ARID1B: variants seen among roughly 807,000 people sequenced by gnomAD.
The protein encoded by ARID1B is AT-rich interactive domain-containing protein 1B.
Under a neutral mutation model 212.3 loss-of-function variants are expected in ARID1B, and 30 were observed. The ratio of observed to expected loss-of-function variants is 0.14; its 90% CI spans 0.11 to 0.19. ARID1B has a LOEUF of 0.19. Ranked by LOEUF, ARID1B falls within the 10% of genes least tolerant of loss-of-function variation. ARID1B has a pLI of 1.00. For synonymous variants in ARID1B, 1,402 were observed against 1,301.7 expected (o/e 1.08, Z -1.66); for missense variants, 2,891 against 3,204.0 (o/e 0.90, Z 2.36).
intron 3 of ARID1B, among the ~76,000 whole-genome samples, chr6:156,920,033 G>A (rs771178193): frequency 2.0e-5 from 3 of 152,260 alleles, no homozygotes; most frequent in Non-Finnish European, 4.4e-5. Context: ...CTTCACGCAT[G>A]AGTGGACATT....
At chr6:156,872,232 CCT>C (rs2128146690) in intron 2 of ARID1B, among the ~76,000 whole-genome samples, 1 of 152,268 alleles carries the variant, frequency 6.6e-6, no homozygotes, top group Admixed American at 6.5e-5. Flanking sequence ...AAGCAGGTTG[CCT>C]AGGACCTGGC....
intron 2 of ARID1B, among the ~76,000 whole-genome samples, chr6:156,832,549 C>G (rs973401826): frequency 6.6e-6 from 1 of 152,152 alleles, no homozygotes; most frequent in African/African-American, 2.4e-5. Context: ...TATTTCTGCA[C>G]AGGATTAAAA....
At chr6:157,128,642 A>T (rs1207397373) in intron 6 of ARID1B, among the ~76,000 whole-genome samples, 1 of 152,254 alleles carries the variant, frequency 6.6e-6, no homozygotes, top group Non-Finnish European at 1.5e-5. Flanking sequence ...GGTTTGGGTG[A>T]GCCATGCAGC....
intron 2 of ARID1B, among the ~76,000 whole-genome samples, chr6:156,899,881 T>C (rs1277018566): frequency 6.6e-6 from 1 of 152,216 alleles, no homozygotes; most frequent in African/African-American, 2.4e-5. Flanking sequence ...GCAGAAGTGT[T>C]ATCCTAACTG....
At chr6:156,941,498 AG>A (rs1252747486) in intron 4 of ARID1B, 19 of 152,348 alleles carry the variant, frequency 1.2e-4, no homozygotes, top group Admixed American at 9.2e-4. Context: ...ATTAAGATTA[AG>A]AGCATTTCAG....
chr6:156,995,424 A>G (rs1164311709), intron 4 of ARID1B, among the ~76,000 whole-genome samples: 4 of 152,234 alleles, frequency 2.6e-5, no homozygotes. Flanking sequence ...TGTCTTGAAT[A>G]AGTAGGAGAG....
intron 2 of ARID1B, among the ~76,000 whole-genome samples, chr6:156,861,882 A>G (rs1203265212): frequency 2.0e-5 from 3 of 152,150 alleles, no homozygotes; most frequent in Non-Finnish European, 4.4e-5. Context: ...AGACCTTGAG[A>G]TGTGCAGAAG....
intron 14 of ARID1B, 83 bp downstream of exon 14, chr6:157,189,863 G>A: frequency 6.3e-7 from 1 of 1,596,140 alleles, no homozygotes; most frequent in South Asian, 1.1e-5. Flanking sequence ...ACAGAGAGAA[G>A]AAATGGTATT....
intron 4 of ARID1B, among the ~76,000 whole-genome samples, chr6:157,033,809 A>T (rs1291672061): frequency 6.6e-6 from 1 of 152,226 alleles, no homozygotes; most frequent in Admixed American, 6.5e-5. Flanking sequence ...GTTGATTGTA[A>T]CATTTGAAAT....
At chr6:157,060,765 ATTTTTGATTCAG>A (rs1429007717) in intron 4 of ARID1B, among the ~76,000 whole-genome samples, 1 of 150,574 alleles carries the variant, frequency 6.6e-6, no homozygotes, top group East Asian at 2.0e-4. Context: ...TACTTTACAC[ATTTTTGATTCAG>A]TCCTTAACCC....
chr6:156,967,611 A>G (rs917292588), intron 4 of ARID1B, among the ~76,000 whole-genome samples: 1 of 152,206 alleles, frequency 6.6e-6, no homozygotes, highest in Non-Finnish European at 1.5e-5. Flanking sequence ...AATTTGCCCT[A>G]TATATTCAAT....
chr6:156,807,782 G>A (rs185242719), intron 1 of ARID1B, among the ~76,000 whole-genome samples: 197 of 152,344 alleles, frequency 1.3e-3, no homozygotes, highest in African/African-American at 4.5e-3. Context: ...GTGTGAGCAA[G>A]AGAGGTTCTC....
chr6:157,198,599 G>A, intron 16 of ARID1B: 3 of 531,670 alleles, frequency 5.6e-6, no homozygotes, highest in Non-Finnish European at 1.0e-5. Flanking sequence ...CCCAAACTAG[G>A]AGCTTGGCAC....
chr6:157,175,393 CTGAA>C (rs1792033404), intron 11 of ARID1B: 2 of 152,410 alleles, frequency 1.3e-5, no homozygotes, highest in Admixed American at 1.3e-4. Flanking sequence ...CAGCCATTGA[CTGAA>C]TGATAAGTTT....
chr6:157,033,835 G>T (rs544061507), intron 4 of ARID1B, among the ~76,000 whole-genome samples: 1 of 152,282 alleles, frequency 6.6e-6, no homozygotes, highest in Non-Finnish European at 1.5e-5. Flanking sequence ...TGAGTTAATG[G>T]AAAGGGCCTT....
chr6:156,897,237 C>CTTATTA (rs1562468385), intron 2 of ARID1B, among the ~76,000 whole-genome samples: 14 of 97,338 alleles, frequency 1.4e-4, no homozygotes, highest in African/African-American at 5.1e-4. Flanking sequence ...TCTTCTTCTT[C>CTTATTA]TTCTTCTTCT....
intron 2 of ARID1B, among the ~76,000 whole-genome samples, chr6:156,835,843 A>T (rs1783474250): frequency 6.6e-6 from 1 of 152,018 alleles, no homozygotes; most frequent in South Asian, 2.1e-4. Context: ...CTGGGCTCAA[A>T]CAATCCTCCC....
Position 157,206,067 on chromosome 6 carries a change from A to G in ARID1B, c.5395-100A>G. 2 of 1,269,698 alleles carry G rather than the reference A, an allele frequency of 1.6e-6. No individual in the cohort carries two copies. Among genetic ancestry groups the G allele is most frequent in the South Asian group, 2.9e-5 (2 of 69,870 alleles). The allele number at this position is 1,269,698 out of a possible 1,614,324, so 78.7% of individuals were successfully genotyped here. On this transcript the variant is annotated intron_variant, in intron 19 of 19. Transcript: ENST00000636930. The surrounding 1 kb of genome is among the most constrained non-coding windows in gnomAD (Gnocchi z 6.8). ...GAGACAAACGTGTGACAATGATGGA[A>G]AGGTATTGACGGGTCTCAGGATCTT...
intron 2 of ARID1B, among the ~76,000 whole-genome samples, chr6:156,843,285 G>T (rs549925880): frequency 2.6e-5 from 4 of 152,146 alleles, no homozygotes; most frequent in Non-Finnish European, 5.9e-5. Flanking sequence ...ATGGTAGTAT[G>T]CAAAGTTTTA....
Sources: allele counts gnomAD v4.1 joint callset (sites outside exome capture counted in the v4.1 genomes callset), GRCh38; gene constraint gnomAD v4.1.1; non-coding constraint Gnocchi (gnomAD v3.1); transcripts MANE v1.5; gene names NCBI Gene and HGNC (gene_info 2026-07-23, HGNC 2026-07-21).